DST: variants seen among roughly 807,000 people sequenced by gnomAD.
DST encodes dystonin.
In DST, 253 loss-of-function variants were observed where a neutral mutation model predicts 875.2. That is an observed-to-expected ratio of 0.29 (90% CI 0.26 to 0.32). DST has a LOEUF of 0.32. DST is among the 10% of genes least tolerant of loss of function. The probability of loss-of-function intolerance (pLI) is 1.00; values close to 1 mark genes in which losing one functional copy is unlikely to be tolerated. For missense variants in DST, 8,287 were observed against 9,111.6 expected (o/e 0.91, Z 3.68); for synonymous variants, 3,124 against 3,197.1 (o/e 0.98, Z 0.77).
At chr6:56,469,113 G>T in intron 97 of DST, 114 bp from the exon 98 acceptor site, 1 of 676,786 alleles carries the variant, frequency 1.5e-6, no homozygotes, top group Non-Finnish European at 2.3e-6. Flanking sequence ...GTAGTATCTA[G>T]TTTAGAGATG....
At chr6:56,886,501 C>T (rs1784715120) in intron 3 of DST, among the ~76,000 whole-genome samples, 1 of 152,176 alleles carries the variant, frequency 6.6e-6, no homozygotes, top group East Asian at 1.9e-4. Context: ...AACAGCCAGG[C>T]ATGGTGGCTC....
intron 4 of DST, among the ~76,000 whole-genome samples, chr6:56,808,517 G>A (rs2099755970): frequency 6.6e-6 from 1 of 152,182 alleles, no homozygotes; most frequent in Non-Finnish European, 1.5e-5. Flanking sequence ...GGTAAAAAAT[G>A]ATTTACCATT....
At chr6:56,745,363 T>A (rs190633345) in intron 4 of DST, among the ~76,000 whole-genome samples, 2 of 152,292 alleles carry the variant, frequency 1.3e-5, no homozygotes, top group East Asian at 3.9e-4. Flanking sequence ...TTGTAAGGTG[T>A]TAAGAAAAGC....
intron 2 of DST, among the ~76,000 whole-genome samples, chr6:56,923,605 G>A (rs995250662): frequency 6.6e-6 from 1 of 152,116 alleles, no homozygotes; most frequent in Non-Finnish European, 1.5e-5. Flanking sequence ...AGTGGTTCAG[G>A]AGATGCAAGT....
At chr6:56,596,897 T>C (rs765580460) in intron 47 of DST, among the ~76,000 whole-genome samples, 4 of 152,212 alleles carry the variant, frequency 2.6e-5, no homozygotes, top group Non-Finnish European at 4.4e-5. Context: ...ATATCTCTTC[T>C]CAACAATAGC....
At chr6:56,883,591 T>C (rs1030781937) in intron 3 of DST, among the ~76,000 whole-genome samples, 3 of 152,210 alleles carry the variant, frequency 2.0e-5, no homozygotes, top group Admixed American at 1.3e-4. Context: ...GTGTTGATGA[T>C]GCAAACTTCA....
chr6:56,576,559 G>C (rs771612042), intron 50 of DST, among the ~76,000 whole-genome samples: 1 of 152,028 alleles, frequency 6.6e-6, no homozygotes, highest in Non-Finnish European at 1.5e-5. Flanking sequence ...GGTATCTGTT[G>C]GAGAATTGTT....
At chr6:56,881,330 G>A (rs575961692) in intron 3 of DST, among the ~76,000 whole-genome samples, 26 of 152,008 alleles carry the variant, frequency 1.7e-4, no homozygotes, top group Admixed American at 1.2e-3. Context: ...AAAATTAGCC[G>A]GGCTTGGTGA....
intron 4 of DST, among the ~76,000 whole-genome samples, chr6:56,801,109 A>G (rs2099746248): frequency 6.6e-6 from 1 of 151,754 alleles, no homozygotes; most frequent in African/African-American, 2.4e-5. Flanking sequence ...AACTTTTTAC[A>G]TTATGTTGCC....
intron 3 of DST, among the ~76,000 whole-genome samples, chr6:56,884,182 T>C (rs1176800324): frequency 6.6e-6 from 1 of 152,162 alleles, no homozygotes; most frequent in East Asian, 1.9e-4. Flanking sequence ...CTTTTTTTTA[T>C]ATTCGGTTTA....
Position 56,642,007 on chromosome 6 carries a change from A to G in DST, c.1967T>C (p.Val656Ala), listed in dbSNP as rs1265489555. 1.2e-6 allele frequency: 2 copies of G among 1,613,524 alleles called. No homozygotes were observed. The highest frequency in any genetic ancestry group is 1.7e-6 in the Non-Finnish European group (2 of 1,179,606). ...ATCAATAAGAATCTGTACATCAATT[A>G]CATGCTGGCGTAAAAGGTTCTCACA... ...LECENLLRQH[V>A]IDVQILIDGK... is the part of the protein sequence containing the mutation. Residue 656 changes from valine (V) to alanine (A), a missense_variant, in exon 17 of 104, where the codon GTA (valine) becomes GCA (alanine). This residue lies in a region of DST where 1,160 missense variants were observed against 1,424.3 expected (regional missense o/e 0.81). Coordinates refer to ENST00000680361, the MANE Select transcript of DST (RefSeq NM_001374736.1).
At chr6:56,742,826 T>C (rs538109713) in intron 4 of DST, among the ~76,000 whole-genome samples, 3 of 152,362 alleles carry the variant, frequency 2.0e-5, no homozygotes, top group African/African-American at 7.2e-5. Flanking sequence ...CTTTATAGGC[T>C]AGACATACAT....
chr6:56,634,747 A>T (rs1331281502), intron 25 of DST, 54 bp downstream of exon 25: 3 of 1,606,832 alleles, frequency 1.9e-6, no homozygotes, highest in East Asian at 4.5e-5. Context: ...GATCTCATTT[A>T]CAAAATATAT....
intron 4 of DST, among the ~76,000 whole-genome samples, chr6:56,807,886 C>G (rs1327809892): frequency 6.6e-6 from 1 of 152,176 alleles, no homozygotes; most frequent in African/African-American, 2.4e-5. Context: ...GGCTGGACTT[C>G]ATCCCAATAA....
In DST at chr6:56,572,196, G is replaced by C. The variant is rs1359717124; in HGVS notation, c.13625C>G (p.Ser4542Cys). ...EVLHSLLKEI[S>C]SHGLPSDKAL... ...CTTATCACTTGGTAAGCCATGGCTGGATATCTCCTTCAAGAGACTATGCAA... is the reference window on the plus strand; with the variant it reads ...CTTATCACTTGGTAAGCCATGGCTGCATATCTCCTTCAAGAGACTATGCAA... The change falls in exon 53 of 104, where the codon TCC becomes TGC. Residue 4542 changes from serine to cysteine, a missense_variant. Around this residue, in one of 10 missense-constraint regions of DST, gnomAD observed 1,513 missense variants for 1,677.8 expected, o/e 0.90. Coordinates refer to ENST00000680361, the MANE Select transcript of DST (RefSeq NM_001374736.1). 6 of 1,569,762 alleles carry C rather than the reference G, an allele frequency of 3.8e-6. No homozygotes were observed. The highest frequency in any genetic ancestry group is 5.2e-6 in the Non-Finnish European group (6 of 1,156,898).
intron 49 of DST, among the ~76,000 whole-genome samples, chr6:56,580,437 T>C (rs1206133651): frequency 5.3e-5 from 8 of 151,946 alleles, no homozygotes; most frequent in Non-Finnish European, 4.4e-5. Flanking sequence ...GTAGTCTCAA[T>C]TACTCAGGAG....
intron 5 of DST, among the ~76,000 whole-genome samples, chr6:56,720,349 C>CTTTTTTTTTTTTT (rs386407172): frequency 7.7e-6 from 1 of 130,232 alleles, no homozygotes; most frequent in Non-Finnish European, 1.7e-5. Flanking sequence ...TTATCCTGTT[C>CTTTTTTTTTTTTT]TTTTTTTTTT....
Position 56,578,874 on chromosome 6 carries a change from C to T in DST, c.12967G>A (p.Val4323Met), listed in dbSNP as rs542942949. The T allele has an allele frequency of 1.2e-6, 2 of 1,610,186 alleles. No homozygotes were observed. Among genetic ancestry groups the T allele is most frequent in the South Asian group, 1.1e-5 (1 of 90,040 alleles). Residue 4323 changes from valine (V) to methionine (M), a missense_variant, in exon 50 of 104, where the codon GTG becomes ATG. Around this residue, in one of 10 missense-constraint regions of DST, gnomAD observed 1,513 missense variants for 1,677.8 expected, o/e 0.90. Coordinates refer to ENST00000680361, the MANE Select transcript of DST (RefSeq NM_001374736.1). Reference protein sequence around the residue: ...AVEKLKKTAEVLLDARGSLLP... With the variant: ...AVEKLKKTAEMLLDARGSLLP... ...AAAGATCCCCTGGCATCTAAAAGCA[C>T]TTCAGCCGTTTTCTTCAGTTTCTCT...
intron 4 of DST, among the ~76,000 whole-genome samples, chr6:56,758,870 G>T (rs1205451259): frequency 6.6e-6 from 1 of 152,180 alleles, no homozygotes; most frequent in African/African-American, 2.4e-5. Context: ...AAGTCATGTG[G>T]TATTCTACTG....
Sources: gnomAD v4.1 joint callset for allele counts (sites outside exome capture counted in the v4.1 genomes callset) on GRCh38, gnomAD v4.1.1 for gene constraint, gnomAD v4.1.1 regional missense constraint, MANE v1.5 for transcripts, NCBI Gene and HGNC (gene_info 2026-07-23, HGNC 2026-07-21) for gene names.